NBEAL2: variants seen among roughly 807,000 people sequenced by gnomAD.
NBEAL2 encodes the protein neurobeachin like 2.
Under a neutral mutation model 299.8 loss-of-function variants are expected in NBEAL2, and 160 were observed. That is an observed-to-expected ratio of 0.53 (90% confidence interval 0.47 to 0.61). The LOEUF is 0.61. Among genes scored for constraint, NBEAL2 ranks in the 20% least tolerant of loss-of-function variants. The probability of loss-of-function intolerance (pLI) is 0.00; values close to 1 mark genes in which losing one functional copy is unlikely to be tolerated. For missense variants in NBEAL2, 3,112 were observed against 3,649.0 expected, an observed-to-expected ratio of 0.85 and a Z score of 3.79; for synonymous variants, 1,493 against 1,542.3, an observed-to-expected ratio of 0.97 and a Z score of 0.75.
chr3:46,985,180 C>T (rs1028760462), intron 1 of NBEAL2, among the ~76,000 whole-genome samples: 6 of 152,256 alleles, frequency 3.9e-5, no homozygotes, highest in African/African-American at 1.4e-4. Flanking sequence ...CCCTTGGGCC[C>T]AGGCATCCAG....
rs549607520 is a variant in NBEAL2, at chr3:46,999,007, G to A, written c.3433G>A (p.Val1145Met). 1.3e-4 allele frequency: 205 copies of A among 1,606,260 alleles called. 1 individual carries two copies. The South Asian group carries it at 2.2e-3, about 17-fold the overall frequency. The change falls in exon 24 of 54, where the codon GTG becomes ATG. Residue 1145 changes from valine (V) to methionine (M), a missense_variant. Physicochemically the swap from Val to Met is conservative, Grantham distance 21. Transcript: ENST00000450053. ...GCTGGCCCTGCTGCACGGTTCCCTG[G>A]TGCAGGAGTCCTTGGCTGTCTTTCT... ...LLLALLHGSLVQESLAVFLLE... is the reference protein window; with the variant it reads ...LLLALLHGSLMQESLAVFLLE...
In NBEAL2 at chr3:46,989,040, G is replaced by A. The variant is rs199606171; in HGVS notation, c.270-45G>A. On this transcript the variant is annotated intron_variant, in intron 3 of 53. Transcript: ENST00000450053. This position sits in a 1 kb window ranked among gnomAD's most constrained non-coding sequence, Gnocchi z 5.5. ...GCCAGAGGGAGAGGGGACAAGGAGG[G>A]GCATGGTGTATTATTGTGACCTCTC... is the stretch of plus-strand genomic sequence containing the variant. 14 of 1,611,690 alleles carry A rather than the reference G, an allele frequency of 8.7e-6. No individual in the cohort carries two copies. In the East Asian group the frequency reaches 2.9e-4, roughly 33 times the overall value.
Position 47,009,636 on chromosome 3 carries a change from T to C in NBEAL2, c.*316T>C, listed in dbSNP as rs181499645. 5 of 404,918 alleles carry C rather than the reference T, an allele frequency of 1.2e-5. No homozygotes were observed. Among genetic ancestry groups the C allele is most frequent in the African/African-American group, 8.5e-5 (4 of 47,142 alleles). 25.1% of individuals were successfully genotyped at this position (404,918 alleles called of 1,614,324 possible). Reference sequence around the variant, plus strand: ...TTCGTCAAAGCACGAGGGCCGCCTGTGGCCTTAATTCCTAACGGCGGCCCC... The same window carrying C: ...TTCGTCAAAGCACGAGGGCCGCCTGCGGCCTTAATTCCTAACGGCGGCCCC... On this transcript the variant is annotated 3_prime_UTR_variant, in exon 54 of 54. Transcript: ENST00000450053.
In NBEAL2 at chr3:47,002,518, C is replaced by T. The variant is rs754780191; in HGVS notation, c.5299C>T (p.Gln1767Ter). 3.7e-6 allele frequency: 6 copies of T among 1,612,322 alleles called. No individual in the cohort carries two copies. ...GCGCGCCCAGAGTCGTCGGGCCTTC[C>T]AGGTGTGCCACCCGGGGTAAGGGAT... Reference protein sequence around the residue: ...WERAQSRRAFQELVLEPAQRR... With the variant: ...WERAQSRRAF Residue 1767 changes from glutamine to a stop codon, truncating the protein, a stop_gained and splice_region_variant, in exon 32 of 54, where the codon CAG (glutamine) becomes TAG (stop). Coordinates refer to ENST00000450053, the MANE Select transcript of NBEAL2 (RefSeq NM_015175.3). LOFTEE classifies it high-confidence loss of function.
Position 46,979,803 on chromosome 3 carries a change from G to T in NBEAL2, c.-59G>T. 4 of 393,446 alleles carry T rather than the reference G, an allele frequency of 1.0e-5. No individual in the cohort carries two copies. Among genetic ancestry groups the T allele is most frequent in the Non-Finnish European group, 1.8e-5 (4 of 224,170 alleles). 24.4% of individuals were successfully genotyped at this position (393,446 alleles called of 1,614,324 possible). A position where few individuals can be genotyped will look rare whatever the true frequency, so the allele number is the denominator to read the frequency against. On this transcript the variant is annotated 5_prime_UTR_variant, in exon 1 of 54. Transcript: ENST00000450053. The stretch of plus-strand genomic sequence containing the variant: ...TGGGCCTGGCCGAGGGCAACCGGCG[G>T]GCGGCGCGGAGGAGGCGGCGACAGG...
chr3:46,996,465 C>G lies in NBEAL2; in HGVS notation c.2346C>G (p.Asp782Glu), dbSNP rs879057773. The change falls in exon 16 of 54, where the codon GAC becomes GAG. Residue 782 changes from aspartate to glutamate, a missense_variant. Around this residue, in one of 3 missense-constraint regions of NBEAL2, gnomAD observed 2,243 missense variants for 2,538.1 expected, o/e 0.88. Transcript: ENST00000450053. ...LVAPLQEGSI[D>E]STLAGTQDTR... is the part of the protein sequence containing the mutation. ...CCCCCCTGCAGGAGGGCAGCATCGA[C>G]TCTACCCTCGCAGGCACCCAGGACA... 6.2e-7 allele frequency: 1 copy of G among 1,603,000 alleles called. No individual in the cohort carries two copies. Among genetic ancestry groups the G allele is most frequent in the African/African-American group, 1.3e-5 (1 of 74,736 alleles).
chr3:46,997,110 A>G, intron 18 of NBEAL2, 64 bp downstream of exon 18: 1 of 1,564,046 alleles, frequency 6.4e-7, no homozygotes, highest in Non-Finnish European at 8.8e-7. Context: ...GTGTGTTCGG[A>G]GTCAGCTGGG....
chr3:46,993,124 C>T (rs1484490273), intron 10 of NBEAL2, among the ~76,000 whole-genome samples: 1 of 152,218 alleles, frequency 6.6e-6, no homozygotes, highest in Admixed American at 6.5e-5. Flanking sequence ...CATGAGGTAA[C>T]CCTATGTGTT....
At chr3:46,994,348 C>A in intron 11 of NBEAL2, 107 bp from the exon 12 acceptor site, 1 of 1,043,318 alleles carries the variant, frequency 9.6e-7, no homozygotes, top group Non-Finnish European at 1.4e-6. Flanking sequence ...GGCAGAGCTA[C>A]GCAAGGGAAC....
intron 40 of NBEAL2, 23 bp downstream of exon 40, chr3:47,005,344 C>G: frequency 6.2e-7 from 1 of 1,604,044 alleles, no homozygotes; most frequent in Non-Finnish European, 8.5e-7. Context: ...GGCTGGTGGG[C>G]AGACTAGGGG....
At position 46,989,657 on chromosome 3, in the gene NBEAL2, C is replaced by G. The variant is rs375718269; in HGVS notation, c.556+64C>G. 98 of 1,418,714 alleles carry G rather than the reference C, an allele frequency of 6.9e-5. 2 individuals carry two copies. The highest frequency in any genetic ancestry group is 5.5e-4 in the East Asian group (22 of 40,340). The allele number at this position is 1,418,714 out of a possible 1,614,324, so 87.9% of individuals were successfully genotyped here. On this transcript the variant is annotated intron_variant, in intron 6 of 53. Transcript: ENST00000450053. This position sits in a 1 kb window ranked among gnomAD's most constrained non-coding sequence, Gnocchi z 5.5. Reference sequence around the variant, plus strand: ...AAACCTAGGCCCCTTCCTGTCGTTCCTTGATCCTGCCATACACAGGAACCA... The same window carrying G: ...AAACCTAGGCCCCTTCCTGTCGTTCGTTGATCCTGCCATACACAGGAACCA...
chr3:46,998,605 A>G (rs372167251), intron 22 of NBEAL2, 40 bp downstream of exon 22: 43 of 1,588,416 alleles, frequency 2.7e-5, no homozygotes, highest in Non-Finnish European at 3.4e-5. Flanking sequence ...GGGGGCTGAC[A>G]CAGTGGCCTC....
At chr3:46,987,424 A>G (rs1216826807) in intron 1 of NBEAL2, among the ~76,000 whole-genome samples, 3 of 152,202 alleles carry the variant, frequency 2.0e-5, no homozygotes, top group African/African-American at 7.2e-5. Context: ...TAGGAGCTCC[A>G]TATGGGGCCA....
Position 46,991,841 on chromosome 3 carries a change from C to G in NBEAL2, c.927C>G (p.Asp309Glu), listed in dbSNP as rs746097842. Residue 309 changes from aspartate (D) to glutamate (E), a missense_variant and splice_region_variant, in exon 9 of 54, where the codon GAC becomes GAG. Coordinates refer to ENST00000450053, the MANE Select transcript of NBEAL2 (RefSeq NM_015175.3). The surrounding 1 kb of genome is among the most constrained non-coding windows in gnomAD (Gnocchi z 6.2). The part of the protein sequence containing the change: ...ALVTLRVSML[D>E]AIPMMLACED... ...GCCTGACCCTTGACCCTTCCACAGACGCCATCCCCATGATGCTGGCATGTG... is the reference window on the plus strand; with the variant it reads ...GCCTGACCCTTGACCCTTCCACAGAGGCCATCCCCATGATGCTGGCATGTG... 1.9e-6 allele frequency: 3 copies of G among 1,592,914 alleles called. No homozygotes were observed. The highest frequency in any genetic ancestry group is 2.3e-5 in the East Asian group (1 of 43,732).
At chr3:46,984,319 C>A (rs1274886746) in intron 1 of NBEAL2, among the ~76,000 whole-genome samples, 4 of 151,490 alleles carry the variant, frequency 2.6e-5, no homozygotes, top group East Asian at 3.9e-4. Context: ...CAAAAAAAAA[C>A]AAAAAAAACA....
intron 1 of NBEAL2, among the ~76,000 whole-genome samples, chr3:46,986,745 G>T (rs1325133542): frequency 1.3e-5 from 2 of 152,184 alleles, no homozygotes; most frequent in Non-Finnish European, 2.9e-5. Context: ...ATCATGAGTG[G>T]TCCTGGCCTA....
chr3:47,003,680 C>G lies in NBEAL2; in HGVS notation c.5721-136C>G. On this transcript the variant is annotated intron_variant, in intron 35 of 53. Coordinates refer to ENST00000450053, the MANE Select transcript of NBEAL2 (RefSeq NM_015175.3). This position sits in a 1 kb window ranked among gnomAD's most constrained non-coding sequence, Gnocchi z 7.0. ...GGGGCTGGGACCAGTAGGTTCTGGA[C>G]CCTAGGCAGCCCCTCCCCATCTCTG... is the stretch of plus-strand genomic sequence containing the variant. The G allele has an allele frequency of 1.6e-6, 2 of 1,212,472 alleles. No homozygotes were observed. The highest frequency in any genetic ancestry group is 3.3e-5 in the South Asian group (2 of 60,930). 75.1% of individuals were successfully genotyped at this position (1,212,472 alleles called of 1,614,324 possible). A position where few individuals can be genotyped will look rare whatever the true frequency, so the allele number is the denominator to read the frequency against.
At position 47,009,143 on chromosome 3, in the gene NBEAL2, TG is replaced by T; in HGVS notation, c.8163+23del. On this transcript the variant is annotated intron_variant, in intron 53 of 53. Coordinates refer to ENST00000450053, the MANE Select transcript of NBEAL2 (RefSeq NM_015175.3). Reference sequence around the variant, plus strand: ...CTCTGAGGTGAGGATGGGGCGGGGGTGGGGAGGCCCCTCGAACGGGGCGGGG... The same window carrying T: ...CTCTGAGGTGAGGATGGGGCGGGGGTGGGAGGCCCCTCGAACGGGGCGGGG... The T allele has an allele frequency of 1.8e-6, 1 of 543,184 alleles. No homozygotes were observed. The allele number at this position is 543,184 out of a possible 1,614,324, so 33.6% of individuals were successfully genotyped here. A position where few individuals can be genotyped will look rare whatever the true frequency, so the allele number is the denominator to read the frequency against.
chr3:46,999,573 G>C lies in NBEAL2; in HGVS notation c.3704-57G>C. 1.9e-6 allele frequency: 3 copies of C among 1,587,842 alleles called. No individual in the cohort carries two copies. In the South Asian group the frequency reaches 3.3e-5, roughly 18 times the overall value. The stretch of plus-strand genomic sequence containing the variant: ...GATAGTGGCATAGGGGCCAGGGCTG[G>C]GCCCTGCCCTTTCTAGTCTGGTCAG... On this transcript the variant is annotated intron_variant, in intron 25 of 53. Coordinates refer to ENST00000450053, the MANE Select transcript of NBEAL2 (RefSeq NM_015175.3).
Sources: allele counts gnomAD v4.1 joint callset (sites outside exome capture counted in the v4.1 genomes callset), GRCh38; gene constraint gnomAD v4.1.1; regional missense constraint gnomAD v4.1.1; non-coding constraint Gnocchi (gnomAD v3.1); transcripts MANE v1.5; gene names NCBI Gene and HGNC (gene_info 2026-07-23, HGNC 2026-07-21).